The following IL1RL1 variants were observed in gnomAD, a reference collection of about 807,000 sequenced individuals.
IL1RL1 encodes the protein interleukin 1 receptor like 1.
A neutral mutation model predicts 50.9 loss-of-function variants in IL1RL1; 32 were observed. The ratio of observed to expected loss-of-function variants is 0.63; its 90% confidence interval spans 0.47 to 0.84. IL1RL1 has a LOEUF of 0.84. Ranked by LOEUF, IL1RL1 falls within the 40% of genes least tolerant of loss-of-function variation. The pLI, the probability that IL1RL1 is intolerant of heterozygous loss-of-function variation, is 0.00. For synonymous variants in IL1RL1, 275 were observed against 236.0 expected (o/e 1.17, Z -1.51); for missense variants, 773 against 662.9 (o/e 1.17, Z -1.82).
At chr2:102,331,257 T>C (rs112645615) in intron 1 of IL1RL1, among the ~76,000 whole-genome samples, 19 of 152,218 alleles carry the variant, frequency 1.2e-4, no homozygotes, top group South Asian at 8.3e-4. Flanking sequence ...TAGATTTCCA[T>C]AGAAGCTTTA....
chr2:102,340,605 C>T, intron 4 of IL1RL1, 61 bp from the exon 5 acceptor site: 1 of 1,524,328 alleles, frequency 6.6e-7, no homozygotes, highest in South Asian at 1.2e-5. Flanking sequence ...AACATTCTGT[C>T]AACAGATAAA....
intron 5 of IL1RL1, chr2:102,341,279 A>G (rs755521142): frequency 4.8e-6 from 6 of 1,257,768 alleles, no homozygotes; most frequent in East Asian, 6.2e-5. Flanking sequence ...TTGTGATGGT[A>G]TACTATGGTG....
rs749350355 is a variant in IL1RL1 at position 102,343,017 on chromosome 2, T to G, written c.683-19T>G. 1.9e-5 allele frequency: 30 copies of G among 1,607,232 alleles called. No individual in the cohort carries two copies. Among genetic ancestry groups the G allele is most frequent in the East Asian group, 6.7e-5 (3 of 44,862 alleles). On this transcript the variant is annotated intron_variant, in intron 6 of 10. Coordinates refer to ENST00000233954, the MANE Select transcript of IL1RL1 (RefSeq NM_016232.5). ...CGCAGAAGTTAATTTTATTGGTGAA[T>G]GTCCTTACTCCCCTCTAGGAAAAAA... is the stretch of plus-strand genomic sequence containing the variant.
chr2:102,335,015 C>A (rs1437541696), intron 1 of IL1RL1, among the ~76,000 whole-genome samples: 1 of 151,960 alleles, frequency 6.6e-6, no homozygotes, highest in Non-Finnish European at 1.5e-5. Context: ...AGCTTAGATT[C>A]TATGAGATTA....
At chr2:102,333,054 G>A (rs777627778) in intron 1 of IL1RL1, among the ~76,000 whole-genome samples, 3 of 152,112 alleles carry the variant, frequency 2.0e-5, no homozygotes, top group African/African-American at 7.2e-5. Context: ...GAGGTGATTG[G>A]TGGTGTTCCA....
At chr2:102,346,664 C>A (rs537432524) in intron 8 of IL1RL1, among the ~76,000 whole-genome samples, 2 of 152,260 alleles carry the variant, frequency 1.3e-5, no homozygotes, top group Admixed American at 1.3e-4. Flanking sequence ...GATTTACTTA[C>A]GGAGTTTTCA....
At chr2:102,342,121 A>C in intron 5 of IL1RL1, 102 bp from the exon 6 acceptor site, 1 of 753,554 alleles carries the variant, frequency 1.3e-6, no homozygotes, top group East Asian at 2.6e-5. Flanking sequence ...GAAGAACTTG[A>C]AAAACATTGC....
At chr2:102,345,204 C>T in intron 8 of IL1RL1, 1 of 983,290 alleles carries the variant, frequency 1.0e-6, no homozygotes, top group Non-Finnish European at 1.2e-6. Context: ...ATGAAGTGCT[C>T]TTCCCACAGA....
In IL1RL1 at chr2:102,340,138, T is replaced by C. The variant is rs200221077; in HGVS notation, c.313T>C (p.Tyr105His). The C allele has an allele frequency of 1.5e-4, 234 of 1,584,180 alleles. 2 individuals are homozygous for C. In the East Asian group the frequency reaches 4.3e-3, roughly 29 times the overall value. ...NRTGYANVTI[Y>H]KKQSDCNVPD... is the part of the protein sequence containing the mutation. The stretch of plus-strand genomic sequence containing the variant: ...GACTGGATATGCGAATGTCACCATA[T>C]ATAAAAAACAATCAGATTGCAATGT... Residue 105 changes from tyrosine (Y) to histidine (H), a missense_variant, in exon 4 of 11, where the codon TAT (tyrosine) becomes CAT (histidine). Tyr to His is a moderately conservative substitution (Grantham distance 83). Transcript: ENST00000233954.
chr2:102,314,168 A>G (rs1303900096), intron 1 of IL1RL1, among the ~76,000 whole-genome samples: 2 of 151,040 alleles, frequency 1.3e-5, no homozygotes, highest in African/African-American at 2.4e-5. Context: ...AGCAGTCGAC[A>G]CTTACTAAGA....
In IL1RL1 at chr2:102,351,998, GA is replaced by G. The variant is rs1448818282; in HGVS notation, c.*79del. On this transcript the variant is annotated 3_prime_UTR_variant, in exon 11 of 11. Coordinates refer to ENST00000233954, the MANE Select transcript of IL1RL1 (RefSeq NM_016232.5). The stretch of plus-strand genomic sequence containing the variant: ...CCTAGCTGGCTTATGCCCCTGCACT[GA>G]AGTGTGAGGAGCAGGAATATTAAAG... 3.0e-5 allele frequency: 40 copies of G among 1,326,918 alleles called. No homozygotes were observed. The East Asian group carries it at 9.0e-4, about 30-fold the overall frequency. The allele number at this position is 1,326,918 out of a possible 1,614,324, so 82.2% of individuals were successfully genotyped here. A position where few individuals can be genotyped will look rare whatever the true frequency, so the allele number is the denominator to read the frequency against.
rs549812582 is a variant in IL1RL1, at chr2:102,336,916, A to T, written c.-149-1200A>T. Among the ~76,000 whole-genome samples the T allele has an allele frequency of 2.0e-5, 3 of 152,302 alleles. No homozygotes were observed. In the East Asian group the frequency reaches 5.8e-4, roughly 29 times the overall value. Reference sequence around the variant, plus strand: ...GGAGCTTTCCTGAGTGGTGTCTGCCAAATGAGGAGTCAAGGAATATCTGGA... The same window carrying T: ...GGAGCTTTCCTGAGTGGTGTCTGCCTAATGAGGAGTCAAGGAATATCTGGA... On this transcript the variant is annotated intron_variant, in intron 1 of 10. Coordinates refer to ENST00000233954, the MANE Select transcript of IL1RL1 (RefSeq NM_016232.5).
Position 102,343,422 on chromosome 2 carries a change from AG to A in IL1RL1, c.970+8del. On this transcript the variant is annotated splice_region_variant and intron_variant, in intron 8 of 10. Transcript: ENST00000233954. Reference sequence around the variant, plus strand: ...CTAAGTAGGAAAAATCCAAGTAAGGAGTGTTTCTGAGACTTTGATCACCTGA... The same window carrying A: ...CTAAGTAGGAAAAATCCAAGTAAGGATGTTTCTGAGACTTTGATCACCTGA... 6.2e-7 allele frequency: 1 copy of A among 1,614,204 alleles called. No homozygotes were observed. Among genetic ancestry groups the A allele is most frequent in the Non-Finnish European group, 8.5e-7 (1 of 1,180,036 alleles).
Position 102,340,798 on chromosome 2 carries a change from G to A in IL1RL1, c.580G>A (p.Val194Met). The stretch of plus-strand genomic sequence containing the variant: ...CAATGAAAATGGAGCCAATTATAGT[G>A]TGACGGCGACCAGGTCCTTCACGGT... Reference protein sequence around the residue: ...IHNENGANYSVTATRSFTVKD... With the variant: ...IHNENGANYSMTATRSFTVKD... Residue 194 changes from valine (V) to methionine (M), a missense_variant, in exon 5 of 11, where the codon GTG becomes ATG. Transcript: ENST00000233954. The A allele has an allele frequency of 6.3e-7, 1 of 1,580,470 alleles. No individual in the cohort carries two copies. Among genetic ancestry groups the A allele is most frequent in the Non-Finnish European group, 8.5e-7 (1 of 1,169,902 alleles).
At chr2:102,345,611 T>C (rs1677755833) in intron 8 of IL1RL1, 1 of 985,330 alleles carries the variant, frequency 1.0e-6, no homozygotes, top group Non-Finnish European at 1.2e-6. Context: ...CAATATGGTG[T>C]AATCGTGGCA....
chr2:102,350,506 C>A (rs1317461926), intron 10 of IL1RL1, among the ~76,000 whole-genome samples: 1 of 152,268 alleles, frequency 6.6e-6, no homozygotes, highest in African/African-American at 2.4e-5. Context: ...CCAACAACAC[C>A]AAACTTCACT....
intron 5 of IL1RL1, among the ~76,000 whole-genome samples, chr2:102,341,781 A>G (rs1677575635): frequency 6.6e-6 from 1 of 152,058 alleles, no homozygotes. Flanking sequence ...CCGTACGGGG[A>G]AGATTTCACT....
At chr2:102,341,034 C>T (rs1677539603) in intron 5 of IL1RL1, among the ~76,000 whole-genome samples, 1 of 152,200 alleles carries the variant, frequency 6.6e-6, no homozygotes, top group Non-Finnish European at 1.5e-5. Context: ...GGGGAAATTA[C>T]ATTACTAATT....
chr2:102,348,135 A>G lies in IL1RL1; in HGVS notation c.1117+44A>G, dbSNP rs1044617030. The stretch of plus-strand genomic sequence containing the variant: ...GTTTTTCTCCCAAAGAAAAAGTCCC[A>G]TAATAACTGTTGGTTACCTGTCTAT... On this transcript the variant is annotated intron_variant, in intron 9 of 10. Transcript: ENST00000233954. The G allele has an allele frequency of 2.1e-5, 32 of 1,515,114 alleles. No individual in the cohort carries two copies. The East Asian group carries it at 7.0e-4, about 33-fold the overall frequency. The allele number at this position is 1,515,114 out of a possible 1,614,324, so 93.9% of individuals were successfully genotyped here.
Sources: gnomAD v4.1 joint callset for allele counts (sites outside exome capture counted in the v4.1 genomes callset) on GRCh38, gnomAD v4.1.1 for gene constraint, MANE v1.5 for transcripts, NCBI Gene and HGNC (gene_info 2026-07-23, HGNC 2026-07-21) for gene names.